HMCN1: variants seen among roughly 807,000 people sequenced by gnomAD.
HMCN1 encodes hemicentin-1.
Under a neutral mutation model 625.9 loss-of-function variants are expected in HMCN1, and 321 were observed. The ratio of observed to expected loss-of-function variants is 0.51; its 90% CI spans 0.47 to 0.56. HMCN1 has a LOEUF of 0.56. Among genes scored for constraint, HMCN1 ranks in the 20% least tolerant of loss-of-function variants. The probability of loss-of-function intolerance (pLI) is 0.00; values close to 1 mark genes in which losing one functional copy is unlikely to be tolerated. For synonymous variants in HMCN1, 2,425 were observed against 2,417.6 expected (o/e 1.00, Z -0.09); for missense variants, 6,588 against 6,887.3 (o/e 0.96, Z 1.54).
intron 70 of HMCN1, 82 bp from the exon 71 acceptor site, chr1:186,108,379 T>C: frequency 6.3e-7 from 1 of 1,596,352 alleles, no homozygotes; most frequent in Middle Eastern, 1.7e-4. Flanking sequence ...ATGCCTCTTA[T>C]TATTTCATAT....
rs1401187713 is a variant in HMCN1 at position 185,923,576 on chromosome 1, T to C, written c.1208T>C (p.Leu403Pro). The change falls in exon 8 of 107, where the codon CTC becomes CCC. Residue 403 changes from leucine to proline, a missense_variant. Physicochemically the swap from Leu to Pro is moderately conservative, Grantham distance 98 (BLOSUM62 -3). This residue lies in a region of HMCN1 where 4,628 missense variants were observed against 4,853.1 expected (regional missense o/e 0.95). Transcript: ENST00000271588. ...GTACCACCAAATGAAGCTTTCTTTC[T>C]CAAAGTAACAGGCTATGATAAAGAT... Reference protein sequence around the residue: ...DFVPPNEAFFLKVTGYDKDDY... With the variant: ...DFVPPNEAFFPKVTGYDKDDY... 1.2e-6 allele frequency: 2 copies of C among 1,610,294 alleles called. No homozygotes were observed. Among genetic ancestry groups the C allele is most frequent in the Admixed American group, 1.7e-5 (1 of 60,012 alleles).
intron 20 of HMCN1, among the ~76,000 whole-genome samples, chr1:185,989,064 G>A (rs998176267): frequency 5.0e-5 from 7 of 141,308 alleles, no homozygotes; most frequent in Non-Finnish European, 9.0e-5. Context: ...CTGGAGTGCA[G>A]TGGCACGATC....
At chr1:186,023,005 C>T (rs745369176) in intron 35 of HMCN1, 25 bp from the exon 36 acceptor site, 5 of 1,611,514 alleles carry the variant, frequency 3.1e-6, no homozygotes, top group Non-Finnish European at 4.2e-6. Flanking sequence ...TACAAAAATC[C>T]TCTGTGCTTT....
chr1:185,937,916 A>AATG (rs1287139026), intron 11 of HMCN1, among the ~76,000 whole-genome samples: 1 of 147,974 alleles, frequency 6.8e-6, no homozygotes, highest in Non-Finnish European at 1.5e-5. Context: ...TAATAATAAT[A>AATG]ATAATAGTAA....
chr1:186,133,163 G>C (rs1038790422), intron 86 of HMCN1, among the ~76,000 whole-genome samples: 3 of 151,842 alleles, frequency 2.0e-5, no homozygotes, highest in African/African-American at 7.3e-5. Flanking sequence ...CCCATTACTG[G>C]GTATATACCC....
intron 30 of HMCN1, among the ~76,000 whole-genome samples, chr1:186,007,795 A>G (rs1172553626): frequency 1.3e-5 from 2 of 152,116 alleles, no homozygotes; most frequent in East Asian, 1.9e-4. Context: ...TTTCCGTAAC[A>G]TTATCAGCCT....
intron 1 of HMCN1, among the ~76,000 whole-genome samples, chr1:185,826,931 G>T (rs1660551038): frequency 6.6e-6 from 1 of 151,674 alleles, no homozygotes; most frequent in Non-Finnish European, 1.5e-5. Flanking sequence ...TTAAAAAATT[G>T]CTTGGGAGGC....
intron 80 of HMCN1, among the ~76,000 whole-genome samples, chr1:186,120,563 G>A (rs1048833360): frequency 4.6e-5 from 7 of 152,036 alleles, no homozygotes; most frequent in African/African-American, 1.2e-4. Flanking sequence ...GAGAAAGCAG[G>A]GTATTTTTGT....
chr1:185,842,390 T>A (rs1661528894), intron 1 of HMCN1, among the ~76,000 whole-genome samples: 1 of 152,060 alleles, frequency 6.6e-6, no homozygotes, highest in Non-Finnish European at 1.5e-5. Context: ...AGTGAGACCC[T>A]GTCTCCAAAA....
At chr1:185,936,139 G>A (rs1667802962) in intron 11 of HMCN1, among the ~76,000 whole-genome samples, 1 of 152,046 alleles carries the variant, frequency 6.6e-6, no homozygotes, top group Admixed American at 6.6e-5. Context: ...TTGGGAACTA[G>A]TTCTATCTGG....
At chr1:186,068,150 A>AAC in intron 50 of HMCN1, 143 bp downstream of exon 50, 1 of 802,346 alleles carries the variant, frequency 1.2e-6, no homozygotes, top group Non-Finnish European at 2.1e-6. Context: ...CTAATAGGCC[A>AAC]CAGGCTGGTC....
In HMCN1 at chr1:185,887,310, A is replaced by G. The variant is rs192111822; in HGVS notation, c.621+21447A>G. Among the ~76,000 whole-genome samples, 111 of 152,056 alleles carry G rather than the reference A, an allele frequency of 7.3e-4. 1 individual carries two copies. The highest frequency in any genetic ancestry group is 2.6e-3 in the African/African-American group (108 of 41,498). On this transcript the variant is annotated intron_variant, in intron 4 of 106. Coordinates refer to ENST00000271588, the MANE Select transcript of HMCN1 (RefSeq NM_031935.3). ...TTAAATGAAATTTATTTATTTATTTATTTTTTATTATTATACTTTAAGTTT... is the reference window on the plus strand; with the variant it reads ...TTAAATGAAATTTATTTATTTATTTGTTTTTTATTATTATACTTTAAGTTT...
At chr1:185,822,308 A>C (rs1043429470) in intron 1 of HMCN1, among the ~76,000 whole-genome samples, 1 of 151,604 alleles carries the variant, frequency 6.6e-6, no homozygotes, top group Non-Finnish European at 1.5e-5. Context: ...CGGGGTGGGC[A>C]GGAGGTACAT....
rs142475663 is a variant in HMCN1, at chr1:186,081,383, C to G, written c.8776C>G (p.Arg2926Gly). ...CCATCATAAATTTCTATCTAATGGACGAATTCTGCAGGTAAAAGTAAAGAA... is the reference window on the plus strand; with the variant it reads ...CCATCATAAATTTCTATCTAATGGAGGAATTCTGCAGGTAAAAGTAAAGAA... ...DDHHKFLSNG[R>G]ILQILNTQIT... is the part of the protein sequence containing the mutation. Residue 2926 changes from arginine (R) to glycine (G), a missense_variant, in exon 56 of 107, where the codon CGA (arginine) becomes GGA (glycine). Around this residue, in one of 3 missense-constraint regions of HMCN1, gnomAD observed 4,628 missense variants for 4,853.1 expected, o/e 0.95. Coordinates refer to ENST00000271588, the MANE Select transcript of HMCN1 (RefSeq NM_031935.3). 1 of 1,610,792 alleles carries G rather than the reference C, an allele frequency of 6.2e-7. No homozygotes were observed. The highest frequency in any genetic ancestry group is 8.5e-7 in the Non-Finnish European group (1 of 1,177,244).
At position 185,852,088 on chromosome 1, in the gene HMCN1, G is replaced by T. The variant is rs922037935; in HGVS notation, c.339+5992G>T. 6.4e-4 allele frequency among the ~76,000 whole-genome samples: 98 copies of T among 152,040 alleles called. 1 individual carries two copies. Among genetic ancestry groups the T allele is most frequent in the Non-Finnish European group, 1.3e-4 (9 of 67,884 alleles). On this transcript the variant is annotated intron_variant, in intron 2 of 106. Transcript: ENST00000271588. ...GGAGAATAAATGGGTTTAAACTTCGGCAGGTTAAGGTTAGGGGAAAAAGAA... is the reference window on the plus strand; with the variant it reads ...GGAGAATAAATGGGTTTAAACTTCGTCAGGTTAAGGTTAGGGGAAAAAGAA...
chr1:186,166,391 T>C (rs1340384100), intron 99 of HMCN1, 88 bp downstream of exon 99: 1 of 1,498,910 alleles, frequency 6.7e-7, no homozygotes, highest in East Asian at 2.3e-5. Flanking sequence ...TTATCTTCTT[T>C]CCTACTACTT....
chr1:185,960,764 C>A (rs1009282505), intron 11 of HMCN1, among the ~76,000 whole-genome samples: 3 of 152,194 alleles, frequency 2.0e-5, no homozygotes, highest in African/African-American at 4.8e-5. Flanking sequence ...AATAGCTAGA[C>A]ACGAGAAGCA....
chr1:185,875,642 T>G (rs977070022), intron 4 of HMCN1, among the ~76,000 whole-genome samples: 5 of 152,036 alleles, frequency 3.3e-5, no homozygotes, highest in African/African-American at 1.2e-4. Context: ...CCTCTTGCCC[T>G]GAGCATCTGT....
intron 93 of HMCN1, among the ~76,000 whole-genome samples, chr1:186,148,928 A>C (rs1300821855): frequency 7.1e-6 from 1 of 141,620 alleles, no homozygotes; most frequent in Non-Finnish European, 1.5e-5. Flanking sequence ...AATACTTTGA[A>C]AGGAATCTTT....
Sources: allele counts gnomAD v4.1 joint callset (sites outside exome capture counted in the v4.1 genomes callset), GRCh38; gene constraint gnomAD v4.1.1; regional missense constraint gnomAD v4.1.1; transcripts MANE v1.5; gene names NCBI Gene and HGNC (gene_info 2026-07-23, HGNC 2026-07-21).